Variants in IL20 observed in about 807,000 individuals in gnomAD.
IL20 encodes interleukin-20.
Under a neutral mutation model 19.2 loss-of-function variants are expected in IL20, and 22 were observed. That is an observed-to-expected ratio of 1.15 (90% confidence interval 0.82 to 1.64). The LOEUF (loss-of-function observed/expected upper bound fraction) is 1.64. Ranked by LOEUF, IL20 falls within the 40% of genes most tolerant of loss-of-function variation. The probability of loss-of-function intolerance (pLI) is 0.00; values close to 1 mark genes in which losing one functional copy is unlikely to be tolerated. For synonymous variants in IL20, 70 were observed against 76.2 expected, an observed-to-expected ratio of 0.92 and a Z score of 0.43; for missense variants, 215 against 212.8, an observed-to-expected ratio of 1.01 and a Z score of -0.06.
intron 5 of IL20, among the ~76,000 whole-genome samples, chr1:206,867,889 C>T (rs928855732): frequency 6.6e-6 from 1 of 152,148 alleles, no homozygotes; most frequent in Admixed American, 6.5e-5. Flanking sequence ...AAATCCTACT[C>T]ATCCTTTAAA....
chr1:206,866,565 C>A lies in IL20; in HGVS notation c.307C>A (p.His103Asn). ...RVFKNYQTPD[H>N]YTLRKISSLA... ...ATTTAAAAACTACCAGACCCCTGAC[C>A]ATTATACTCTCCGGAAGATCAGCAG... The change falls in exon 4 of 6, where the codon CAT (histidine) becomes AAT (asparagine). Residue 103 changes from histidine to asparagine, a missense_variant. His to Asn is a moderately conservative substitution (Grantham distance 68). Coordinates refer to ENST00000367098, the MANE Select transcript of IL20 (RefSeq NM_018724.4). 1.2e-6 allele frequency: 2 copies of A among 1,614,052 alleles called. No individual in the cohort carries two copies. The highest frequency in any genetic ancestry group is 1.7e-6 in the Non-Finnish European group (2 of 1,179,930).
chr1:206,865,793 T>C lies in IL20; in HGVS notation c.-30-30T>C. ...GACACTTGGAGGAGGGGAAACTCAG[T>C]AAGTCATGCTCTCTTCTTTGAATTC... On this transcript the variant is annotated intron_variant, in intron 1 of 5. Coordinates refer to ENST00000367098, the MANE Select transcript of IL20 (RefSeq NM_018724.4). The surrounding 1 kb of genome is among the most constrained non-coding windows in gnomAD (Gnocchi z 4.1). 1.3e-6 allele frequency: 2 copies of C among 1,590,310 alleles called. No homozygotes were observed. Among genetic ancestry groups the C allele is most frequent in the Non-Finnish European group, 1.7e-6 (2 of 1,166,638 alleles).
intron 4 of IL20, among the ~76,000 whole-genome samples, chr1:206,866,950 G>A (rs868171384): frequency 2.6e-5 from 4 of 151,978 alleles, no homozygotes; most frequent in East Asian, 1.9e-4. Flanking sequence ...ATATTAGTGC[G>A]TCCTCTGTCT....
In IL20 at chr1:206,869,138, C is replaced by T. The variant is rs771949397; in HGVS notation, c.*574C>T. On this transcript the variant is annotated 3_prime_UTR_variant, in exon 6 of 6. Transcript: ENST00000367098. Reference sequence around the variant, plus strand: ...ATTACTGACCATCCCCAGTAGACTCCCCAGTCCCATAATTGTGTATCTTCC... The same window carrying T: ...ATTACTGACCATCCCCAGTAGACTCTCCAGTCCCATAATTGTGTATCTTCC... The T allele has an allele frequency of 1.3e-5, 2 of 152,272 alleles. No individual in the cohort carries two copies. The highest frequency in any genetic ancestry group is 2.9e-5 in the Non-Finnish European group (2 of 68,050). 9.4% of individuals were successfully genotyped at this position (152,272 alleles called of 1,614,324 possible). A position where few individuals can be genotyped will look rare whatever the true frequency, so the allele number is the denominator to read the frequency against.
intron 2 of IL20, 141 bp from the exon 3 acceptor site, chr1:206,866,158 T>G (rs1677539353): frequency 2.6e-6 from 3 of 1,147,348 alleles, no homozygotes; most frequent in Non-Finnish European, 3.8e-6. Flanking sequence ...AAGAAATAAC[T>G]GTAGTTCAAA....
At position 206,866,474 on chromosome 1, in the gene IL20, T is replaced by A. The variant is rs185979169; in HGVS notation, c.226-10T>A. The A allele has an allele frequency of 3.8e-4, 614 of 1,614,018 alleles. 6 individuals carry two copies. In the African/African-American group the frequency reaches 6.2e-3, roughly 16 times the overall value. On this transcript the variant is annotated splice_polypyrimidine_tract_variant and intron_variant, in intron 3 of 5. Transcript: ENST00000367098. ...TTTCCCCTCACCAATATACCTGTGG[T>A]TTTTTGCAGCCTGCGAATCGATGCT...
intron 4 of IL20, 120 bp downstream of exon 4, chr1:206,866,756 T>A: frequency 9.7e-7 from 1 of 1,025,988 alleles, no homozygotes; most frequent in South Asian, 1.5e-5. Flanking sequence ...AAAGTTCTAA[T>A]AATCTGTGTT....
At chr1:206,864,303 G>T (rs1677490377), upstream of IL20, among the ~76,000 whole-genome samples, 1 of 151,954 alleles carries the variant, frequency 6.6e-6, no homozygotes, top group Admixed American at 6.6e-5. Flanking sequence ...TGTAAAAAAT[G>T]TCTAGCATAT....
chr1:206,866,649 C>A lies in IL20; in HGVS notation c.378+13C>A, dbSNP rs1250605437. 1 of 1,613,078 alleles carries A rather than the reference C, an allele frequency of 6.2e-7. No individual in the cohort carries two copies. The highest frequency in any genetic ancestry group is 2.2e-5 in the East Asian group (1 of 44,890). ...CCTCCGGCTCTGTGTGAGTGTGGGT[C>A]TTGGGTGACAGGATGCATCTCAGCA... is the stretch of plus-strand genomic sequence containing the variant. On this transcript the variant is annotated intron_variant, in intron 4 of 5. Transcript: ENST00000367098.
upstream of IL20, among the ~76,000 whole-genome samples, chr1:206,864,591 T>C (rs1558630697): frequency 1.3e-5 from 2 of 152,166 alleles, no homozygotes; most frequent in African/African-American, 4.8e-5. Context: ...TTTACTGTCC[T>C]GGTTTTAAGG....
intron 4 of IL20, among the ~76,000 whole-genome samples, chr1:206,866,852 G>A (rs903436474): frequency 3.3e-5 from 5 of 152,084 alleles, no homozygotes; most frequent in African/African-American, 1.2e-4. Flanking sequence ...AAAGTCTAAA[G>A]AACTATAAGA....
chr1:206,867,980 A>G (rs919965106), intron 5 of IL20, among the ~76,000 whole-genome samples: 2 of 152,070 alleles, frequency 1.3e-5, no homozygotes, highest in African/African-American at 4.8e-5. Context: ...TCTTGTAGGA[A>G]TTTCATCCCT....
At chr1:206,868,185 CACA>C (rs1677612954) in intron 5 of IL20, among the ~76,000 whole-genome samples, 1 of 152,098 alleles carries the variant, frequency 6.6e-6, no homozygotes, top group African/African-American at 2.4e-5. Context: ...CACACACACA[CACA>C]CGTTTCTTAA....
Position 206,868,571 on chromosome 1 carries a change from A to C in IL20, c.*7A>C, listed in dbSNP as rs1677628564. 6.3e-7 allele frequency: 1 copy of C among 1,592,534 alleles called. No homozygotes were observed. Among genetic ancestry groups the C allele is most frequent in the Admixed American group, 1.8e-5 (1 of 57,140 alleles). ...GATGGAGGAGACAGAATAGGAGGAAAGTGATGCTGCTGCTAAGAATATTCG... is the reference window on the plus strand; with the variant it reads ...GATGGAGGAGACAGAATAGGAGGAACGTGATGCTGCTGCTAAGAATATTCG... On this transcript the variant is annotated 3_prime_UTR_variant, in exon 6 of 6. Transcript: ENST00000367098.
intron 5 of IL20, 22 bp from the exon 6 acceptor site, chr1:206,868,465 C>T (rs753232645): frequency 6.4e-6 from 10 of 1,569,384 alleles, no homozygotes; most frequent in Non-Finnish European, 8.7e-6. Context: ...TTGCTAACCA[C>T]ATGGGTGTGT....
Position 206,865,724 on chromosome 1 carries a change from A to G in IL20, c.-31+38A>G. 1 of 1,460,686 alleles carries G rather than the reference A, an allele frequency of 6.8e-7. No individual in the cohort carries two copies. Among genetic ancestry groups the G allele is most frequent in the Non-Finnish European group, 9.0e-7 (1 of 1,108,068 alleles). The allele number at this position is 1,460,686 out of a possible 1,614,324, so 90.5% of individuals were successfully genotyped here. A position where few individuals can be genotyped will look rare whatever the true frequency, so the allele number is the denominator to read the frequency against. On this transcript the variant is annotated intron_variant, in intron 1 of 5. Coordinates refer to ENST00000367098, the MANE Select transcript of IL20 (RefSeq NM_018724.4). The surrounding 1 kb of genome is among the most constrained non-coding windows in gnomAD (Gnocchi z 4.1). ...GATGGGCCACACTGTCTGAGGCCAG[A>G]TAAGGCTGTTCTCTTCCCCTGACCC... is the stretch of plus-strand genomic sequence containing the variant.
At position 206,868,498 on chromosome 1, in the gene IL20, G is replaced by A. The variant is rs2232361; in HGVS notation, c.465G>A (p.Gln155=). The part of the protein sequence containing the change: ...ILSHFEKLEP[Q]AAVVKALGEL... The stretch of plus-strand genomic sequence containing the variant: ...TGTGTCTCTTTCAGCTGGAACCTCA[G>A]GCAGCAGTTGTGAAGGCTTTGGGGG... The change falls in exon 6 of 6, where the codon CAG becomes CAA. Residue 155 remains glutamine (Q), a synonymous_variant. Transcript: ENST00000367098. 1.0e-3 allele frequency: 1,665 copies of A among 1,593,448 alleles called. 28 individuals carry two copies. In the African/African-American group the frequency reaches 0.021, roughly 20 times the overall value.
In IL20 at chr1:206,868,643, CAA is replaced by C. The variant is rs1677630833; in HGVS notation, c.*81_*82del. ...AATACCTGCAGAGGAGGCATGACCC[CAA>C]ACCACCATCTCTTTACTGTACTAGT... On this transcript the variant is annotated 3_prime_UTR_variant, in exon 6 of 6. Coordinates refer to ENST00000367098, the MANE Select transcript of IL20 (RefSeq NM_018724.4). 1 of 969,312 alleles carries C rather than the reference CAA, an allele frequency of 1.0e-6. No homozygotes were observed. Among genetic ancestry groups the C allele is most frequent in the East Asian group, 2.8e-5 (1 of 35,390 alleles). 60.0% of individuals were successfully genotyped at this position (969,312 alleles called of 1,614,324 possible).
rs200752891 is a variant in IL20, at chr1:206,867,434, C to A, written c.429C>A (p.Ser143Arg). The change falls in exon 5 of 6, where the codon AGC (serine) becomes AGA (arginine). Residue 143 changes from serine to arginine, a missense_variant. Physicochemically the swap from Ser to Arg is moderately radical, Grantham distance 110. Transcript: ENST00000367098. ...GGGAGGAAGCAATGAAGAAATACAGCCAGATTCTGAGTCACTTTGAAAAGG... is the reference window on the plus strand; with the variant it reads ...GGGAGGAAGCAATGAAGAAATACAGACAGATTCTGAGTCACTTTGAAAAGG... ...HCGEEAMKKY[S>R]QILSHFEKLE... The A allele has an allele frequency of 6.2e-7, 1 of 1,613,714 alleles. No homozygotes were observed. Among genetic ancestry groups the A allele is most frequent in the South Asian group, 1.1e-5 (1 of 91,070 alleles).
Sources: allele counts gnomAD v4.1 joint callset (sites outside exome capture counted in the v4.1 genomes callset), GRCh38; gene constraint gnomAD v4.1.1; non-coding constraint Gnocchi (gnomAD v3.1); transcripts MANE v1.5; gene names NCBI Gene and HGNC (gene_info 2026-07-23, HGNC 2026-07-21).